The following CNTNAP5 variants were observed in gnomAD, a reference collection of about 807,000 sequenced individuals.
CNTNAP5 encodes contactin-associated protein-like 5.
Under a neutral mutation model 150.2 loss-of-function variants are expected in CNTNAP5, and 72 were observed. The ratio of observed to expected loss-of-function variants is 0.48; its 90% CI spans 0.40 to 0.58. CNTNAP5 has a LOEUF of 0.58. Among genes scored for constraint, CNTNAP5 ranks in the 20% least tolerant of loss-of-function variants. The pLI is 0.00. For missense variants in CNTNAP5, 1,636 were observed against 1,626.2 expected (o/e 1.01, Z -0.10); for synonymous variants, 672 against 619.8 (o/e 1.08, Z -1.25).
intron 3 of CNTNAP5, among the ~76,000 whole-genome samples, chr2:124,284,361 A>T (rs897988592): frequency 1.3e-5 from 2 of 152,108 alleles, no homozygotes; most frequent in African/African-American, 4.8e-5. Context: ...CTCAATCATG[A>T]GAAGAGTTGG....
chr2:124,652,642 G>C (rs543066316), intron 13 of CNTNAP5, among the ~76,000 whole-genome samples: 2 of 152,332 alleles, frequency 1.3e-5, no homozygotes, highest in South Asian at 4.1e-4. Flanking sequence ...ATGGAGAGGG[G>C]TATAGCAAGT....
chr2:124,499,440 C>A, intron 7 of CNTNAP5, among the ~76,000 whole-genome samples: 1 of 152,206 alleles, frequency 6.6e-6, no homozygotes, highest in Admixed American at 6.5e-5. Flanking sequence ...CTGGGCCCTG[C>A]AGGGCAAAAG....
chr2:124,548,423 C>T (rs1695561120), intron 10 of CNTNAP5, among the ~76,000 whole-genome samples: 1 of 152,154 alleles, frequency 6.6e-6, no homozygotes, highest in South Asian at 2.1e-4. Context: ...GAGGCAGCTG[C>T]CCAGTTCACT....
intron 6 of CNTNAP5, among the ~76,000 whole-genome samples, chr2:124,468,400 C>A (rs976032387): frequency 6.6e-6 from 1 of 152,062 alleles, no homozygotes; most frequent in South Asian, 2.1e-4. Flanking sequence ...AGCCAAAGTC[C>A]TCAGAGTCTG....
intron 3 of CNTNAP5, among the ~76,000 whole-genome samples, chr2:124,341,225 G>A (rs1406470431): frequency 1.3e-5 from 2 of 152,124 alleles, no homozygotes; most frequent in Non-Finnish European, 2.9e-5. Context: ...AAAGAAGTTT[G>A]CCCAGTCAGA....
intron 10 of CNTNAP5, among the ~76,000 whole-genome samples, chr2:124,528,366 G>A (rs534674489): frequency 2.3e-4 from 35 of 152,180 alleles, no homozygotes; most frequent in Admixed American, 7.2e-4. Flanking sequence ...AGTCGAAGAA[G>A]GTTTCAGAAG....
intron 19 of CNTNAP5, among the ~76,000 whole-genome samples, chr2:124,846,756 T>C (rs1410649906): frequency 6.6e-6 from 1 of 152,202 alleles, no homozygotes; most frequent in Non-Finnish European, 1.5e-5. Context: ...TTTTCATTCA[T>C]GGGGTTCTCC....
chr2:124,628,647 A>G (rs558466631), intron 12 of CNTNAP5, among the ~76,000 whole-genome samples: 1 of 152,328 alleles, frequency 6.6e-6, no homozygotes, highest in South Asian at 2.1e-4. Flanking sequence ...ACTACTAAAC[A>G]ACTACATTAA....
chr2:124,340,810 T>TATAC (rs1689593609), intron 3 of CNTNAP5, among the ~76,000 whole-genome samples: 1 of 31,082 alleles, frequency 3.2e-5, no homozygotes, highest in African/African-American at 1.7e-4. Flanking sequence ...TGTATACATG[T>TATAC]ATATATATAT....
intron 5 of CNTNAP5, among the ~76,000 whole-genome samples, chr2:124,445,080 TC>T (rs376084844): frequency 2.7e-5 from 4 of 149,436 alleles, no homozygotes; most frequent in South Asian, 4.3e-4. Context: ...CACACAAATA[TC>T]TTTTTTTTTT....
chr2:124,830,537 G>T (rs13036088), intron 19 of CNTNAP5, among the ~76,000 whole-genome samples: 3,972 of 151,890 alleles, frequency 0.026, 192 homozygotes, highest in Admixed American at 0.098. Context: ...GTGCGTCCAG[G>T]GTCATGAATG....
chr2:124,220,180 G>A (rs892310193), intron 1 of CNTNAP5, among the ~76,000 whole-genome samples: 3 of 151,520 alleles, frequency 2.0e-5, no homozygotes, highest in Admixed American at 6.6e-5. Flanking sequence ...TTCTTCCTGA[G>A]AGCCTTTACT....
intron 12 of CNTNAP5, among the ~76,000 whole-genome samples, chr2:124,612,746 T>A (rs1677412946): frequency 6.6e-6 from 1 of 152,148 alleles, no homozygotes; most frequent in Admixed American, 6.5e-5. Context: ...TTTTGTTTTT[T>A]AAAATACCTG....
intron 3 of CNTNAP5, among the ~76,000 whole-genome samples, chr2:124,392,572 C>T (rs1383231430): frequency 1.3e-5 from 2 of 151,504 alleles, no homozygotes; most frequent in East Asian, 3.9e-4. Flanking sequence ...TTCATACACC[C>T]TGTCATCTCT....
intron 3 of CNTNAP5, among the ~76,000 whole-genome samples, chr2:124,363,370 A>G (rs539806079): frequency 1.3e-5 from 2 of 152,200 alleles, no homozygotes; most frequent in East Asian, 1.9e-4. Flanking sequence ...TGAACTCTAC[A>G]CCTGCAGACC....
chr2:124,161,098 G>T (rs1252690013), intron 1 of CNTNAP5, among the ~76,000 whole-genome samples: 1 of 152,162 alleles, frequency 6.6e-6, no homozygotes, highest in African/African-American at 2.4e-5. Context: ...TTTGCTTCTT[G>T]TAGCAATGGC....
intron 8 of CNTNAP5, among the ~76,000 whole-genome samples, chr2:124,504,936 G>T (rs541661490): frequency 1.1e-4 from 16 of 152,106 alleles, no homozygotes; most frequent in African/African-American, 3.1e-4. Flanking sequence ...TGCATCTCTT[G>T]ACCTTGTGAT....
intron 1 of CNTNAP5, among the ~76,000 whole-genome samples, chr2:124,130,303 T>C (rs549497023): frequency 2.0e-5 from 3 of 152,164 alleles, no homozygotes; most frequent in East Asian, 1.9e-4. Flanking sequence ...GACTCCTATA[T>C]CTTGGTGGTC....
At chr2:124,161,008 A>T (rs957101547) in intron 1 of CNTNAP5, among the ~76,000 whole-genome samples, 1 of 152,186 alleles carries the variant, frequency 6.6e-6, no homozygotes, top group African/African-American at 2.4e-5. Context: ...TGCATATACA[A>T]TGATAAACAA....
Sources: gnomAD v4.1 joint callset for allele counts (sites outside exome capture counted in the v4.1 genomes callset) on GRCh38, gnomAD v4.1.1 for gene constraint, MANE v1.5 for transcripts, NCBI Gene and HGNC (gene_info 2026-07-23, HGNC 2026-07-21) for gene names.